The following SDC2 variants were observed in gnomAD, a reference collection of about 807,000 sequenced individuals.
The protein encoded by SDC2 is syndecan 2.
A neutral mutation model predicts 22.2 loss-of-function variants in SDC2; 13 were observed. That is an observed-to-expected ratio of 0.59 (90% confidence interval 0.38 to 0.93). SDC2 has a LOEUF of 0.93. Ranked by LOEUF, SDC2 falls within the 40% of genes least tolerant of loss-of-function variation. The pLI, the probability that SDC2 is intolerant of heterozygous loss-of-function variation, is 0.00. For synonymous variants in SDC2, 94 were observed against 92.8 expected (o/e 1.01, Z -0.07); for missense variants, 235 against 246.8 (o/e 0.95, Z 0.32).
intron 1 of SDC2, among the ~76,000 whole-genome samples, chr8:96,554,954 T>C (rs1814085684): frequency 6.6e-6 from 1 of 152,152 alleles, no homozygotes; most frequent in African/African-American, 2.4e-5. Flanking sequence ...TGCCTGGAAC[T>C]CTGTTCCCTT....
intron 1 of SDC2, among the ~76,000 whole-genome samples, chr8:96,534,116 C>T (rs111855732): frequency 0.021 from 3,240 of 152,310 alleles, 111 homozygotes; most frequent in African/African-American, 0.073. Context: ...CGGGGCCTGC[C>T]GAGCCCACGC....
intron 1 of SDC2, among the ~76,000 whole-genome samples, chr8:96,508,928 A>G (rs2575728): frequency 0.27 from 37,806 of 141,166 alleles, 9,570 homozygotes; most frequent in African/African-American, 0.31. Flanking sequence ...TATCTAATGG[A>G]TGGTTGCAGC....
chr8:96,512,824 T>C (rs1374574567), intron 1 of SDC2, among the ~76,000 whole-genome samples: 4 of 152,216 alleles, frequency 2.6e-5, no homozygotes, highest in East Asian at 1.9e-4. Context: ...AAAGAAAATA[T>C]AAACTTTGAC....
In SDC2 at chr8:96,558,928, A is replaced by T. The variant is rs191651945; in HGVS notation, c.61-34552A>T. On this transcript the variant is annotated intron_variant, in intron 1 of 4. Transcript: ENST00000302190. ...GTAAAGAACCTCAATGAAAAATCTT[A>T]ATGCAAATATTATTTTAAAAGTCAC... Among the ~76,000 whole-genome samples, 27 of 152,312 alleles carry T rather than the reference A, an allele frequency of 1.8e-4. 1 individual carries two copies. In the Middle Eastern group the frequency reaches 0.024, roughly 134 times the overall value.
intron 2 of SDC2, among the ~76,000 whole-genome samples, chr8:96,595,583 A>G (rs1814860641): frequency 6.6e-6 from 1 of 151,894 alleles, no homozygotes; most frequent in Non-Finnish European, 1.5e-5. Context: ...AACTATGGAC[A>G]TTTTTTGTTC....
intron 1 of SDC2, among the ~76,000 whole-genome samples, chr8:96,530,558 C>G (rs1289496101): frequency 6.6e-6 from 1 of 152,092 alleles, no homozygotes; most frequent in Non-Finnish European, 1.5e-5. Flanking sequence ...TTCTGGAACC[C>G]AGGAGGCAGA....
chr8:96,527,030 A>G (rs1813588929), intron 1 of SDC2, among the ~76,000 whole-genome samples: 1 of 152,064 alleles, frequency 6.6e-6, no homozygotes, highest in South Asian at 2.1e-4. Context: ...CATATTCTTC[A>G]TTCTCCATGT....
At chr8:96,518,729 T>A (rs928352040) in intron 1 of SDC2, among the ~76,000 whole-genome samples, 4 of 152,148 alleles carry the variant, frequency 2.6e-5, no homozygotes, top group African/African-American at 9.7e-5. Context: ...TATTCTTGGG[T>A]CCGTGGGAAT....
chr8:96,580,317 G>C, intron 1 of SDC2: 4 of 895,410 alleles, frequency 4.5e-6, no homozygotes, highest in Non-Finnish European at 5.3e-6. Context: ...CAGAGTGTAA[G>C]GTTAAGCAGC....
intron 1 of SDC2, among the ~76,000 whole-genome samples, chr8:96,575,785 C>T (rs1490568070): frequency 1.3e-5 from 2 of 152,128 alleles, no homozygotes; most frequent in South Asian, 2.1e-4. Context: ...TATCTGAATA[C>T]GTGAATTCCA....
chr8:96,546,241 C>T (rs1276318521), intron 1 of SDC2, among the ~76,000 whole-genome samples: 1 of 152,068 alleles, frequency 6.6e-6, no homozygotes, highest in African/African-American at 2.4e-5. Context: ...ATCTATGAAC[C>T]CTGGATGTAC....
At chr8:96,545,751 T>A (rs1471081712) in intron 1 of SDC2, among the ~76,000 whole-genome samples, 1 of 152,094 alleles carries the variant, frequency 6.6e-6, no homozygotes, top group Non-Finnish European at 1.5e-5. Flanking sequence ...GGGCTTAGGG[T>A]GGTGGCCTGG....
intron 1 of SDC2, among the ~76,000 whole-genome samples, chr8:96,556,034 T>C (rs1814104153): frequency 7.0e-6 from 1 of 143,576 alleles, no homozygotes. Context: ...TATTAGAATA[T>C]CACACACACA....
At position 96,610,187 on chromosome 8, in the gene SDC2, A is replaced by G. The variant is rs1186915959; in HGVS notation, c.*639A>G. 6.5e-6 allele frequency: 1 copy of G among 152,678 alleles called. No individual in the cohort carries two copies. The highest frequency in any genetic ancestry group is 6.5e-5 in the Admixed American group (1 of 15,276). 9.5% of individuals were successfully genotyped at this position (152,678 alleles called of 1,614,324 possible). On this transcript the variant is annotated 3_prime_UTR_variant, in exon 5 of 5. Coordinates refer to ENST00000302190, the MANE Select transcript of SDC2 (RefSeq NM_002998.4). Reference sequence around the variant, plus strand: ...TGGGCAGATTTGCAACAGCAAATTAATGTGTAAAATTGGATTATTACTACA... The same window carrying G: ...TGGGCAGATTTGCAACAGCAAATTAGTGTGTAAAATTGGATTATTACTACA...
In SDC2 at chr8:96,494,163, G is replaced by T; in HGVS notation, c.-109G>T. ...CCCGAGCCTGAGCCGCAATCGCTGC[G>T]GTACTCTGCTCCGGATTCGTGTGCG... On this transcript the variant is annotated 5_prime_UTR_variant, in exon 1 of 5. Transcript: ENST00000302190. The T allele has an allele frequency of 1.7e-6, 2 of 1,174,706 alleles. No homozygotes were observed. The highest frequency in any genetic ancestry group is 2.7e-5 in the South Asian group (2 of 72,764). 72.8% of individuals were successfully genotyped at this position (1,174,706 alleles called of 1,614,324 possible). A position where few individuals can be genotyped will look rare whatever the true frequency, so the allele number is the denominator to read the frequency against.
rs140665417 is a variant in SDC2 at position 96,536,852 on chromosome 8, A to G, written c.60+42521A>G. On this transcript the variant is annotated intron_variant, in intron 1 of 4. Coordinates refer to ENST00000302190, the MANE Select transcript of SDC2 (RefSeq NM_002998.4). ...GCTTTTCCTTCTGTGGCAATTGGAG[A>G]CTCAGTCTGCTGTTGGCCAGAATAC... Among the ~76,000 whole-genome samples the G allele has an allele frequency of 4.7e-3, 720 of 152,146 alleles. 6 individuals carry two copies. The highest frequency in any genetic ancestry group is 0.016 in the African/African-American group (672 of 41,500).
At chr8:96,536,247 C>A (rs1032593789) in intron 1 of SDC2, among the ~76,000 whole-genome samples, 1 of 151,948 alleles carries the variant, frequency 6.6e-6, no homozygotes, top group African/African-American at 2.4e-5. Flanking sequence ...GAGGCAGTGA[C>A]GTGGGTACTT....
chr8:96,587,899 T>C (rs2130621848), intron 1 of SDC2, among the ~76,000 whole-genome samples: 1 of 152,206 alleles, frequency 6.6e-6, no homozygotes, highest in African/African-American at 2.4e-5. Flanking sequence ...CTCAGTGACA[T>C]ACATTTTGAG....
chr8:96,534,344 G>T (rs1813717732), intron 1 of SDC2, among the ~76,000 whole-genome samples: 1 of 152,334 alleles, frequency 6.6e-6, no homozygotes, highest in South Asian at 2.1e-4. Context: ...GCAAGTGAGG[G>T]ATGCGAGGGC....
Sources: allele counts gnomAD v4.1 joint callset (sites outside exome capture counted in the v4.1 genomes callset), GRCh38; gene constraint gnomAD v4.1.1; transcripts MANE v1.5; gene names NCBI Gene and HGNC (gene_info 2026-07-23, HGNC 2026-07-21).